Variants in IWS1 observed in about 807,000 individuals in gnomAD.
IWS1 encodes protein IWS1 homolog.
A neutral mutation model predicts 86.7 loss-of-function variants in IWS1; 27 were observed. That is an observed-to-expected ratio of 0.31 (90% CI 0.23 to 0.43). The LOEUF is 0.43. Ranked by LOEUF, IWS1 falls within the 20% of genes least tolerant of loss-of-function variation. The pLI, the probability that IWS1 is intolerant of heterozygous loss-of-function variation, is 1.00. For synonymous variants in IWS1, 313 were observed against 335.1 expected (o/e 0.93, Z 0.72); for missense variants, 827 against 1,000.8 (o/e 0.83, Z 2.34).
At chr2:127,501,989 G>C (rs185663383) in intron 5 of IWS1, among the ~76,000 whole-genome samples, 2 of 152,028 alleles carry the variant, frequency 1.3e-5, no homozygotes, top group Admixed American at 6.6e-5. Flanking sequence ...ACATATTTAA[G>C]GTGGTATCTA....
intron 2 of IWS1, among the ~76,000 whole-genome samples, chr2:127,513,616 G>C (rs1286763672): frequency 6.6e-6 from 1 of 152,008 alleles, no homozygotes; most frequent in Non-Finnish European, 1.5e-5. Context: ...AGGGTTCTTC[G>C]CAAGGTTCTT....
chr2:127,504,203 G>A (rs1690977321), intron 3 of IWS1, among the ~76,000 whole-genome samples: 1 of 152,192 alleles, frequency 6.6e-6, no homozygotes, highest in Non-Finnish European at 1.5e-5. Context: ...GAGAGAGATG[G>A]TGTCTCTAAA....
intron 2 of IWS1, among the ~76,000 whole-genome samples, chr2:127,507,795 G>C (rs1305203030): frequency 6.6e-6 from 1 of 152,132 alleles, no homozygotes; most frequent in Non-Finnish European, 1.5e-5. Flanking sequence ...TGAAAATTCA[G>C]ACAACTCCAA....
intron 2 of IWS1, among the ~76,000 whole-genome samples, chr2:127,509,266 A>G (rs1691310771): frequency 6.6e-6 from 1 of 152,192 alleles, no homozygotes; most frequent in African/African-American, 2.4e-5. Context: ...AAAAAAATCC[A>G]AAAGACAGTT....
At position 127,499,033 on chromosome 2, in the gene IWS1, CCCA is replaced by C. The variant is rs1690660349; in HGVS notation, c.1468-799_1468-797del. On this transcript the variant is annotated intron_variant, in intron 5 of 13. Coordinates refer to ENST00000295321, the MANE Select transcript of IWS1 (RefSeq NM_017969.3). This position sits in a 1 kb window ranked among gnomAD's most constrained non-coding sequence, Gnocchi z 4.0. ...TACAAGTGACAGGAACTGTACAATC[CCCA>C]CATTTGTACAGTCTGATTTTGTTTA... 6.6e-6 allele frequency among the ~76,000 whole-genome samples: 1 copy of C among 152,196 alleles called. No homozygotes were observed. The highest frequency in any genetic ancestry group is 2.4e-5 in the African/African-American group (1 of 41,524).
At chr2:127,496,225 A>C in intron 6 of IWS1, 77 bp from the exon 7 acceptor site, 1 of 1,433,544 alleles carries the variant, frequency 7.0e-7, no homozygotes, top group Non-Finnish European at 9.4e-7. Flanking sequence ...AATTAAGAAC[A>C]CCAAATTTCT....
intron 10 of IWS1, 92 bp downstream of exon 10, chr2:127,491,875 AAAAC>A: frequency 1.3e-6 from 1 of 772,722 alleles, no homozygotes; most frequent in South Asian, 1.6e-5. Context: ...CGACTCGTTT[AAAAC>A]AAATACTGGT....
intron 12 of IWS1, among the ~76,000 whole-genome samples, chr2:127,487,707 C>T (rs976838571): frequency 2.6e-5 from 4 of 152,076 alleles, no homozygotes; most frequent in African/African-American, 7.2e-5. Context: ...CCCGCCACCA[C>T]GTCCAGCTAA....
chr2:127,484,175 G>C (rs1280873019), intron 13 of IWS1, among the ~76,000 whole-genome samples: 1 of 152,032 alleles, frequency 6.6e-6, no homozygotes, highest in African/African-American at 2.4e-5. Context: ...CAGGTGTGGT[G>C]GTGGGCGCCT....
chr2:127,492,239 T>C (rs1690265770), intron 9 of IWS1, 151 bp from the exon 10 acceptor site: 1 of 605,358 alleles, frequency 1.7e-6, no homozygotes, highest in Non-Finnish European at 3.0e-6. Flanking sequence ...ATACTTTGTG[T>C]CCACATCAAA....
At position 127,489,926 on chromosome 2, in the gene IWS1, T is replaced by A; in HGVS notation, c.2065A>T (p.Ile689Leu). 1 of 1,593,214 alleles carries A rather than the reference T, an allele frequency of 6.3e-7. No individual in the cohort carries two copies. Among genetic ancestry groups the A allele is most frequent in the South Asian group, 1.1e-5 (1 of 90,646 alleles). The stretch of plus-strand genomic sequence containing the variant: ...TTGTAGTTTGAGGTAAGACCAAATA[T>A]AGGCCTAGACCACTCATCTGTAGTA... The part of the protein sequence containing the change: ...GKLINEWSRP[I>L]FGLTSNYKGM... Residue 689 changes from isoleucine (I) to leucine (L), a missense_variant, in exon 11 of 14, where the codon ATA (isoleucine) becomes TTA (leucine). Around this residue, in one of 2 missense-constraint regions of IWS1, gnomAD observed 279 missense variants for 440.6 expected, o/e 0.63. Coordinates refer to ENST00000295321, the MANE Select transcript of IWS1 (RefSeq NM_017969.3). The surrounding 1 kb of genome is among the most constrained non-coding windows in gnomAD (Gnocchi z 4.8).
chr2:127,518,411 G>T (rs115558118), intron 2 of IWS1, among the ~76,000 whole-genome samples: 8 of 152,130 alleles, frequency 5.3e-5, no homozygotes, highest in African/African-American at 1.7e-4. Flanking sequence ...AGCTACTTGG[G>T]AGGCTGAGGT....
intron 2 of IWS1, among the ~76,000 whole-genome samples, chr2:127,509,817 CTTGT>C (rs1691349568): frequency 6.7e-6 from 1 of 149,462 alleles, no homozygotes; most frequent in South Asian, 2.2e-4. Context: ...AATAAACAAT[CTTGT>C]TTATCTCAGT....
chr2:127,494,991 A>C, intron 7 of IWS1, 37 bp from the exon 8 acceptor site: 6 of 1,306,324 alleles, frequency 4.6e-6, no homozygotes, highest in Non-Finnish European at 6.5e-6. Flanking sequence ...TTTTTAAAAC[A>C]GTACTTTTTA....
chr2:127,516,964 T>A (rs1365204238), intron 2 of IWS1, among the ~76,000 whole-genome samples: 1 of 152,096 alleles, frequency 6.6e-6, no homozygotes, highest in African/African-American at 2.4e-5. Flanking sequence ...TTAGAAATAG[T>A]AGGAAAAGTG....
rs1255569576 is a variant in IWS1 at position 127,499,164 on chromosome 2, C to T, written c.1468-927G>A. Among the ~76,000 whole-genome samples the T allele has an allele frequency of 6.7e-6, 1 of 150,328 alleles. No individual in the cohort carries two copies. Among genetic ancestry groups the T allele is most frequent in the Non-Finnish European group, 1.5e-5 (1 of 67,876 alleles). On this transcript the variant is annotated intron_variant, in intron 5 of 13. Coordinates refer to ENST00000295321, the MANE Select transcript of IWS1 (RefSeq NM_017969.3). The surrounding 1 kb of genome is among the most constrained non-coding windows in gnomAD (Gnocchi z 4.0). ...AGAGTGCAGTGGCGTGATCTCGGCT[C>T]ACTGCAAGCTCCACCTCCCGGGTTC...
chr2:127,511,217 T>C (rs1691433904), intron 2 of IWS1: 2 of 152,190 alleles, frequency 1.3e-5, no homozygotes, highest in South Asian at 4.1e-4. Flanking sequence ...GTTAAGGCTG[T>C]GGAATTTAGA....
chr2:127,516,565 C>G (rs1691787038), intron 2 of IWS1, among the ~76,000 whole-genome samples: 1 of 152,096 alleles, frequency 6.6e-6, no homozygotes, highest in South Asian at 2.1e-4. Flanking sequence ...GAGTTCAAGA[C>G]CAGCCTGGGC....
At chr2:127,513,119 T>C (rs570223289) in intron 2 of IWS1, among the ~76,000 whole-genome samples, 3 of 152,336 alleles carry the variant, frequency 2.0e-5, no homozygotes, top group African/African-American at 7.2e-5. Context: ...CGCATGCCTG[T>C]AGTCCCAGCT....
Sources: gnomAD v4.1 joint callset for allele counts (sites outside exome capture counted in the v4.1 genomes callset) on GRCh38, gnomAD v4.1.1 for gene constraint, gnomAD v4.1.1 regional missense constraint, Gnocchi (gnomAD v3.1) non-coding constraint, MANE v1.5 for transcripts, NCBI Gene and HGNC (gene_info 2026-07-23, HGNC 2026-07-21) for gene names.